The following MTUS2 variants were observed in gnomAD, a reference collection of about 807,000 sequenced individuals.
MTUS2 encodes the protein microtubule-associated tumor suppressor candidate 2.
A neutral mutation model predicts 114.1 loss-of-function variants in MTUS2; 40 were observed. That is an observed-to-expected ratio of 0.35 (90% CI 0.27 to 0.46). The LOEUF (loss-of-function observed/expected upper bound fraction) is 0.46, where lower values mean the gene tolerates loss of function less well. MTUS2 is among the 20% of genes least tolerant of loss of function. The pLI, the probability that MTUS2 is intolerant of heterozygous loss-of-function variation, is 1.00. For missense variants in MTUS2, 1,679 were observed against 1,705.4 expected, an observed-to-expected ratio of 0.98 and a Z score of 0.27; for synonymous variants, 688 against 672.0, an observed-to-expected ratio of 1.02 and a Z score of -0.37.
At chr13:28,887,730 G>T (rs1184904159) in intron 2 of MTUS2, among the ~76,000 whole-genome samples, 1 of 152,146 alleles carries the variant, frequency 6.6e-6, no homozygotes, top group African/African-American at 2.4e-5. Context: ...CATGTGAGGA[G>T]GGTCCCTTGA....
intron 4 of MTUS2, among the ~76,000 whole-genome samples, chr13:29,073,133 A>G (rs1449663038): frequency 2.6e-5 from 4 of 152,164 alleles, no homozygotes; most frequent in Admixed American, 2.6e-4. Flanking sequence ...GTCACTTTCA[A>G]TGATACAACA....
chr13:29,302,180 T>A (rs914946572), intron 6 of MTUS2, among the ~76,000 whole-genome samples: 6 of 152,190 alleles, frequency 3.9e-5, no homozygotes, highest in African/African-American at 1.4e-4. Context: ...ACAATGGGAC[T>A]GACTAGGCAA....
chr13:29,440,135 G>T, intron 9 of MTUS2, 86 bp downstream of exon 9: 1 of 1,338,586 alleles, frequency 7.5e-7, no homozygotes, highest in Non-Finnish European at 1.0e-6. Flanking sequence ...TATGCCTCCT[G>T]TAATAAGCCA....
At chr13:28,827,950 ATCT>A (rs1052152066) in intron 1 of MTUS2, among the ~76,000 whole-genome samples, 1 of 152,208 alleles carries the variant, frequency 6.6e-6, no homozygotes, top group African/African-American at 2.4e-5. Context: ...CATTGATAAC[ATCT>A]TATCAGGAGA....
intron 2 of MTUS2, among the ~76,000 whole-genome samples, chr13:28,939,661 T>C (rs185238268): frequency 1.3e-5 from 2 of 152,288 alleles, no homozygotes; most frequent in African/African-American, 4.8e-5. Context: ...TTAATTTTAG[T>C]GTTACTTCTG....
intron 4 of MTUS2, among the ~76,000 whole-genome samples, chr13:29,067,223 A>G (rs1345746431): frequency 1.3e-5 from 2 of 152,160 alleles, no homozygotes; most frequent in African/African-American, 4.8e-5. Context: ...AGCCATGGGA[A>G]TAGATGAGCA....
chr13:29,240,472 A>G (rs1008690913), intron 5 of MTUS2, among the ~76,000 whole-genome samples: 6 of 151,562 alleles, frequency 4.0e-5, no homozygotes, highest in African/African-American at 7.2e-5. Context: ...GTGAAATCGA[A>G]TATCTGATCC....
chr13:29,315,567 A>G (rs900094413), intron 6 of MTUS2, among the ~76,000 whole-genome samples: 1 of 152,180 alleles, frequency 6.6e-6, no homozygotes, highest in African/African-American at 2.4e-5. Context: ...CCTGGTGACT[A>G]TAAATTTGAT....
At chr13:29,461,833 A>G (rs188307893) in intron 9 of MTUS2, among the ~76,000 whole-genome samples, 40 of 152,358 alleles carry the variant, frequency 2.6e-4, no homozygotes, top group Middle Eastern at 6.8e-3. Flanking sequence ...ATTATTTAAT[A>G]TTAAAACTTA....
At chr13:28,993,737 G>C (rs765063696) in intron 2 of MTUS2, among the ~76,000 whole-genome samples, 1 of 151,710 alleles carries the variant, frequency 6.6e-6, no homozygotes, top group Non-Finnish European at 1.5e-5. Context: ...TTTATTTCTG[G>C]GTTCTCTATT....
At chr13:28,948,213 G>A (rs111660662) in intron 2 of MTUS2, among the ~76,000 whole-genome samples, 2,775 of 152,180 alleles carry the variant, frequency 0.018, 81 homozygotes, top group African/African-American at 0.062. Flanking sequence ...TTAGCCAGCT[G>A]TTTACTCACT....
chr13:29,378,159 T>A (rs1347157292), intron 8 of MTUS2, among the ~76,000 whole-genome samples: 1 of 152,146 alleles, frequency 6.6e-6, no homozygotes, highest in Non-Finnish European at 1.5e-5. Context: ...GTGAAGCTGT[T>A]TTGTATTCTG....
rs1900484596 is a variant in MTUS2 at position 29,325,768 on chromosome 13, G to A, written c.2905+1057G>A. ...CTTTCAATATCTTAATTGATTTAAT[G>A]TCCACAAAAACTCTGTGAGACAGGT... is the stretch of plus-strand genomic sequence containing the variant. On this transcript the variant is annotated intron_variant, in intron 7 of 15. Coordinates refer to ENST00000612955, the MANE Select transcript of MTUS2 (RefSeq NM_001033602.4). 2.0e-5 allele frequency among the ~76,000 whole-genome samples: 3 copies of A among 152,088 alleles called. No homozygotes were observed. The South Asian group carries it at 6.2e-4, about 32-fold the overall frequency.
rs554214132 is a variant in MTUS2, at chr13:28,887,316, C to T, written c.-243+47466C>T. 1.4e-4 allele frequency among the ~76,000 whole-genome samples: 21 copies of T among 152,252 alleles called. No individual in the cohort carries two copies. The South Asian group carries it at 3.9e-3, about 29-fold the overall frequency. On this transcript the variant is annotated intron_variant, in intron 2 of 15. Transcript: ENST00000612955. ...CTGACTGCTGTCTTCCAGATACCCT[C>T]GCCCCTTTCGGCTCCCTGGACGCTA...
At chr13:29,001,441 C>T (rs1157805310) in intron 2 of MTUS2, among the ~76,000 whole-genome samples, 1 of 151,958 alleles carries the variant, frequency 6.6e-6, no homozygotes, top group African/African-American at 2.4e-5. Context: ...ACGTGGAATG[C>T]GAGAGAAAGG....
chr13:29,295,965 C>A (rs1898923869), intron 6 of MTUS2, among the ~76,000 whole-genome samples: 1 of 152,128 alleles, frequency 6.6e-6, no homozygotes, highest in Non-Finnish European at 1.5e-5. Context: ...ATTATGGTAG[C>A]TACAATTCAA....
intron 4 of MTUS2, among the ~76,000 whole-genome samples, chr13:29,065,766 A>G (rs1358889985): frequency 6.6e-6 from 1 of 152,182 alleles, no homozygotes; most frequent in Non-Finnish European, 1.5e-5. Flanking sequence ...TCTATTTATT[A>G]CTTAATCTAT....
intron 5 of MTUS2, among the ~76,000 whole-genome samples, chr13:29,266,726 G>A (rs1355052550): frequency 6.6e-6 from 1 of 152,132 alleles, no homozygotes; most frequent in East Asian, 1.9e-4. Flanking sequence ...AGAGAGTCTG[G>A]GGTTCAAGAA....
intron 3 of MTUS2, among the ~76,000 whole-genome samples, chr13:29,031,240 G>GTGTGTGTGTGTGTGTGTGTGTGTT (rs1400313427): frequency 2.7e-5 from 4 of 147,038 alleles, no homozygotes; most frequent in Non-Finnish European, 6.0e-5. Context: ...ACTAATAGGT[G>GTGTGTGTGTGTGTGTGTGTGTGTT]TGTGTGTGTG....
Sources: allele counts gnomAD v4.1 joint callset (sites outside exome capture counted in the v4.1 genomes callset), GRCh38; gene constraint gnomAD v4.1.1; transcripts MANE v1.5; gene names NCBI Gene and HGNC (gene_info 2026-07-23, HGNC 2026-07-21).